PLXNA2: variants seen among roughly 807,000 people sequenced by gnomAD.
The protein encoded by PLXNA2 is plexin A2.
Under a neutral mutation model 193.5 loss-of-function variants are expected in PLXNA2, and 91 were observed. That is an observed-to-expected ratio of 0.47 (90% CI 0.40 to 0.56). The LOEUF (loss-of-function observed/expected upper bound fraction) is 0.56. Among genes scored for constraint, PLXNA2 ranks in the 20% least tolerant of loss-of-function variants. The pLI, the probability that PLXNA2 is intolerant of heterozygous loss-of-function variation, is 0.00. For synonymous variants in PLXNA2, 997 were observed against 1,027.3 expected (o/e 0.97, Z 0.56); for missense variants, 1,995 against 2,503.2 (o/e 0.80, Z 4.33).
intron 1 of PLXNA2, among the ~76,000 whole-genome samples, chr1:208,221,301 G>A (rs1039127137): frequency 5.9e-5 from 9 of 151,488 alleles, no homozygotes; most frequent in African/African-American, 2.2e-4. Context: ...AGTTCCTGGA[G>A]TCTGTGATTC....
chr1:208,081,555 C>T (rs569393570), intron 11 of PLXNA2, among the ~76,000 whole-genome samples: 2 of 152,130 alleles, frequency 1.3e-5, no homozygotes, highest in Non-Finnish European at 1.5e-5. Flanking sequence ...GCTCAGTTTG[C>T]GAGCTCTGAA....
chr1:208,052,424 C>T lies in PLXNA2; in HGVS notation c.2896G>A (p.Glu966Lys), dbSNP rs776941937. ...VLSLNPIRGP[E>K]SGGTMVTITG... ...ATGGTCACCATAGTGCCTCCTGACTCGGGACCTCGGATTGGGTTGAGTGAC... is the reference window on the plus strand; with the variant it reads ...ATGGTCACCATAGTGCCTCCTGACTTGGGACCTCGGATTGGGTTGAGTGAC... The change falls in exon 15 of 32, where the codon GAG becomes AAG. Residue 966 changes from glutamate (E) to lysine (K), a missense_variant. Glu to Lys is a moderately conservative substitution (Grantham distance 56). Coordinates refer to ENST00000367033, the MANE Select transcript of PLXNA2 (RefSeq NM_025179.4). 1.2e-5 allele frequency: 19 copies of T among 1,613,992 alleles called. No individual in the cohort carries two copies. In the Middle Eastern group the frequency reaches 4.9e-4, roughly 42 times the overall value.
intron 3 of PLXNA2, among the ~76,000 whole-genome samples, chr1:208,167,302 C>T (rs1669340568): frequency 1.3e-5 from 2 of 152,174 alleles, no homozygotes; most frequent in Admixed American, 1.3e-4. Context: ...CCACACCCCC[C>T]TCACAGCAAA....
chr1:208,216,764 G>T lies in PLXNA2; in HGVS notation c.1159C>A (p.Leu387Met). The part of the protein sequence containing the change: ...GEGNLELNWL[L>M]GKDVQCTKAP... ...TTGGTGCACTGGACGTCCTTCCCCA[G>T]CAGCCAGTTGAGCTCCAGGTTGCCC... Residue 387 changes from leucine to methionine, a missense_variant, in exon 2 of 32, where the codon CTG (leucine) becomes ATG (methionine). Transcript: ENST00000367033. The T allele has an allele frequency of 6.2e-7, 1 of 1,613,760 alleles. No homozygotes were observed.
Position 208,028,440 on chromosome 1 carries a change from C to T in PLXNA2, c.5439-281G>A, listed in dbSNP as rs901549943. Among the ~76,000 whole-genome samples the T allele has an allele frequency of 1.3e-5, 2 of 152,100 alleles. No homozygotes were observed. The highest frequency in any genetic ancestry group is 2.1e-4 in the South Asian group (1 of 4,816). ...TCACCAGGCTCTTTGTGTTCAAATC[C>T]CAGCTCTGCTACCTGCTAGCTGTGT... On this transcript the variant is annotated intron_variant, in intron 30 of 31. Coordinates refer to ENST00000367033, the MANE Select transcript of PLXNA2 (RefSeq NM_025179.4). This position sits in a 1 kb window ranked among gnomAD's most constrained non-coding sequence, Gnocchi z 4.2.
Position 208,022,427 on chromosome 1 carries a change from T to C in PLXNA2, c.*4816A>G, listed in dbSNP as rs1242363705. On this transcript the variant is annotated 3_prime_UTR_variant, in exon 32 of 32. Transcript: ENST00000367033. ...TTTTAAATACTTAATTTTCTTACAGTTTTTATTCCACAACACCTGTAAAAA... is the reference window on the plus strand; with the variant it reads ...TTTTAAATACTTAATTTTCTTACAGCTTTTATTCCACAACACCTGTAAAAA... 3 of 152,584 alleles carry C rather than the reference T, an allele frequency of 2.0e-5. No individual in the cohort carries two copies. The highest frequency in any genetic ancestry group is 4.2e-4 in the South Asian group (2 of 4,814). 9.5% of individuals were successfully genotyped at this position (152,584 alleles called of 1,614,324 possible). A position where few individuals can be genotyped will look rare whatever the true frequency, so the allele number is the denominator to read the frequency against.
chr1:208,102,693 G>C (rs751300750), intron 5 of PLXNA2, among the ~76,000 whole-genome samples: 3 of 152,210 alleles, frequency 2.0e-5, no homozygotes, highest in Non-Finnish European at 4.4e-5. Context: ...GAGAAACAGA[G>C]GCCTGGAGTT....
chr1:208,099,149 G>A (rs138771497), intron 5 of PLXNA2, among the ~76,000 whole-genome samples, 180 bp from the exon 6 acceptor site: 158 of 152,316 alleles, frequency 1.0e-3, no homozygotes, highest in Middle Eastern at 3.4e-3. Context: ...TCGCAGTTAA[G>A]GACAGACTGA....
At position 208,210,260 on chromosome 1, in the gene PLXNA2, C is replaced by T. The variant is rs777429009; in HGVS notation, c.1371+20G>A. 1 of 1,613,344 alleles carries T rather than the reference C, an allele frequency of 6.2e-7. No individual in the cohort carries two copies. The highest frequency in any genetic ancestry group is 1.1e-5 in the South Asian group (1 of 91,044). ...GAGGAGGTGAATGGCATTGGAGCATCTGAACTCATAGACTCTTACCTTTTT... is the reference window on the plus strand; with the variant it reads ...GAGGAGGTGAATGGCATTGGAGCATTTGAACTCATAGACTCTTACCTTTTT... On this transcript the variant is annotated intron_variant, in intron 3 of 31. Transcript: ENST00000367033.
intron 17 of PLXNA2, among the ~76,000 whole-genome samples, chr1:208,048,909 G>A (rs552284325): frequency 5.3e-5 from 8 of 152,296 alleles, no homozygotes; most frequent in South Asian, 2.1e-4. Context: ...GCCTGTGAGC[G>A]TGCCTTTCAT....
Position 208,054,446 on chromosome 1 carries a change from T to G in PLXNA2, c.2831A>C (p.Lys944Thr), listed in dbSNP as rs1030809626. Residue 944 changes from lysine (K) to threonine (T), a missense_variant, in exon 14 of 32, where the codon AAG (lysine) becomes ACG (threonine). Physicochemically the swap from Lys to Thr is moderately conservative, Grantham distance 78. Coordinates refer to ENST00000367033, the MANE Select transcript of PLXNA2 (RefSeq NM_025179.4). ...IGECKPEFMTKSHQQYTFVNP... is the reference protein window; with the variant it reads ...IGECKPEFMTTSHQQYTFVNP... ...CACGAAGGTGTACTGCTGATGGGAC[T>G]TCGTCATGAACTCTGGCTTACACTC... 4.3e-6 allele frequency: 7 copies of G among 1,614,118 alleles called. No individual in the cohort carries two copies. Among genetic ancestry groups the G allele is most frequent in the Non-Finnish European group, 5.1e-6 (6 of 1,179,934 alleles).
chr1:208,107,640 A>G (rs1368240559), intron 4 of PLXNA2, among the ~76,000 whole-genome samples: 1 of 152,174 alleles, frequency 6.6e-6, no homozygotes, highest in African/African-American at 2.4e-5. Context: ...GAGAGTGTCC[A>G]CCGCGTCGGG....
At chr1:208,079,585 C>T (rs953431796) in intron 11 of PLXNA2, 135 bp from the exon 12 acceptor site, 28 of 648,338 alleles carry the variant, frequency 4.3e-5, no homozygotes, top group Non-Finnish European at 7.1e-5. Flanking sequence ...ATTATCATTG[C>T]AAGAATGACT....
intron 2 of PLXNA2, among the ~76,000 whole-genome samples, chr1:208,214,888 T>C (rs1399500725): frequency 6.6e-6 from 1 of 152,196 alleles, no homozygotes; most frequent in Non-Finnish European, 1.5e-5. Flanking sequence ...GAAGCCTGGC[T>C]TTTGTCTCAG....
chr1:208,155,940 C>T (rs897534782), intron 3 of PLXNA2, among the ~76,000 whole-genome samples: 2 of 152,208 alleles, frequency 1.3e-5, no homozygotes, highest in Admixed American at 1.3e-4. Flanking sequence ...TAATGCCCTT[C>T]ATTCTGCCTG....
intron 3 of PLXNA2, among the ~76,000 whole-genome samples, chr1:208,164,432 T>TC (rs1293727117): frequency 6.6e-6 from 1 of 152,224 alleles, no homozygotes; most frequent in Non-Finnish European, 1.5e-5. Context: ...CTTCCTTCCC[T>TC]TCCCTCTCAT....
chr1:208,214,962 T>TCTTTCTCTCTCTTCCCCC (rs1671078501), intron 2 of PLXNA2, among the ~76,000 whole-genome samples: 1 of 151,848 alleles, frequency 6.6e-6, no homozygotes, highest in Non-Finnish European at 1.5e-5. Context: ...TCTCTTCCTC[T>TCTTTCTCTCTCTTCCCCC]CTCTCTCTCT....
At chr1:208,194,092 C>G (rs1670274774) in intron 3 of PLXNA2, among the ~76,000 whole-genome samples, 1 of 151,842 alleles carries the variant, frequency 6.6e-6, no homozygotes, top group Non-Finnish European at 1.5e-5. Context: ...TCGTTTACTC[C>G]ATCTTTTTAG....
chr1:208,196,305 C>G (rs533729213), intron 3 of PLXNA2, among the ~76,000 whole-genome samples: 1 of 152,068 alleles, frequency 6.6e-6, no homozygotes, highest in Non-Finnish European at 1.5e-5. Context: ...AGGACTCAAC[C>G]AAACACACTG....
Sources: allele counts gnomAD v4.1 joint callset (sites outside exome capture counted in the v4.1 genomes callset), GRCh38; gene constraint gnomAD v4.1.1; non-coding constraint Gnocchi (gnomAD v3.1); transcripts MANE v1.5; gene names NCBI Gene and HGNC (gene_info 2026-07-23, HGNC 2026-07-21).